Variants in PDLIM7 observed in about 807,000 individuals in gnomAD.
PDLIM7 encodes the protein PDZ and LIM domain 7.
Under a neutral mutation model 53.9 loss-of-function variants are expected in PDLIM7, and 37 were observed. The ratio of observed to expected loss-of-function variants is 0.69; its 90% CI spans 0.53 to 0.90. PDLIM7 has a LOEUF of 0.90. Ranked by LOEUF, PDLIM7 falls within the 40% of genes least tolerant of loss-of-function variation. PDLIM7 has a pLI of 0.00. For missense variants in PDLIM7, 617 were observed against 638.5 expected, an observed-to-expected ratio of 0.97 and a Z score of 0.36; for synonymous variants, 300 against 261.3, an observed-to-expected ratio of 1.15 and a Z score of -1.43.
At chr5:177,492,303 C>T (rs1238280787) in intron 4 of PDLIM7, 102 bp downstream of exon 4, 12 of 1,460,622 alleles carry the variant, frequency 8.2e-6, no homozygotes, top group East Asian at 4.9e-5. Flanking sequence ...CCTCCACTCC[C>T]GGCCAGGGAT....
intron 1 of PDLIM7, 82 bp from the exon 2 acceptor site, chr5:177,496,605 T>C (rs938818100): frequency 6.4e-6 from 6 of 944,212 alleles, no homozygotes; most frequent in Non-Finnish European, 9.1e-6. Context: ...GATACCAGCC[T>C]TGGACAGGGG....
chr5:177,489,155 G>A (rs1336300565), intron 9 of PDLIM7, among the ~76,000 whole-genome samples: 1 of 152,204 alleles, frequency 6.6e-6, no homozygotes, highest in East Asian at 1.9e-4. Context: ...TTCAGCCTAT[G>A]GTTGGCCCTT....
chr5:177,490,364 C>A, intron 7 of PDLIM7: 1 of 1,461,332 alleles, frequency 6.8e-7, no homozygotes, highest in Admixed American at 2.5e-5. Context: ...AGGGCCAGGC[C>A]AGCAGGAGGC....
intron 2 of PDLIM7, among the ~76,000 whole-genome samples, chr5:177,493,483 A>G (rs1758908158): frequency 6.6e-6 from 1 of 152,200 alleles, no homozygotes; most frequent in South Asian, 2.1e-4. Context: ...AATGACTTTG[A>G]GGAAGCGGTG....
intron 12 of PDLIM7, 35 bp downstream of exon 12, chr5:177,483,832 G>A: frequency 6.2e-7 from 1 of 1,600,938 alleles, no homozygotes; most frequent in Non-Finnish European, 8.6e-7. Context: ...AGGGCCGGTG[G>A]GCTTGGGGCT....
intron 10 of PDLIM7, among the ~76,000 whole-genome samples, chr5:177,485,668 G>A (rs1242050735): frequency 1.3e-5 from 2 of 152,182 alleles, no homozygotes; most frequent in African/African-American, 2.4e-5. Flanking sequence ...ATGCCTGCCT[G>A]GCTCAGGCTG....
At chr5:177,483,824 G>A in intron 12 of PDLIM7, 43 bp downstream of exon 12, 3 of 1,596,106 alleles carry the variant, frequency 1.9e-6, no homozygotes, top group East Asian at 2.2e-5. Context: ...ATGAACAGAG[G>A]GCCGGTGGGC....
chr5:177,486,289 A>C (rs557389045), intron 10 of PDLIM7, among the ~76,000 whole-genome samples: 4 of 152,304 alleles, frequency 2.6e-5, no homozygotes, highest in African/African-American at 9.6e-5. Flanking sequence ...CAAGCAAGAC[A>C]TAAGTGTGGG....
intron 10 of PDLIM7, 127 bp from the exon 11 acceptor site, chr5:177,484,317 A>G: frequency 2.6e-6 from 3 of 1,174,638 alleles, no homozygotes; most frequent in Admixed American, 2.2e-5. Context: ...CTAACTGTTC[A>G]GGACTCCCAC....
chr5:177,492,013 G>A (rs1414878083), intron 4 of PDLIM7, 88 bp from the exon 5 acceptor site: 3 of 601,744 alleles, frequency 5.0e-6, no homozygotes, highest in African/African-American at 1.9e-5. Context: ...AGAGGACAGC[G>A]GCAGCTCCAG....
At chr5:177,488,954 T>C (rs1246767041) in intron 9 of PDLIM7, among the ~76,000 whole-genome samples, 1 of 149,464 alleles carries the variant, frequency 6.7e-6, no homozygotes, top group East Asian at 1.9e-4. Context: ...AGGAAGGCTC[T>C]AGAATCCGGC....
intron 9 of PDLIM7, among the ~76,000 whole-genome samples, chr5:177,488,594 G>A (rs1758579509): frequency 6.6e-6 from 1 of 152,210 alleles, no homozygotes; most frequent in Non-Finnish European, 1.5e-5. Context: ...CCTGGCAAGA[G>A]CTGATAGAGT....
At position 177,491,069 on chromosome 5, in the gene PDLIM7, G is replaced by T. The variant is rs1285809474; in HGVS notation, c.476C>A (p.Pro159Gln). 1 of 1,610,786 alleles carries T rather than the reference G, an allele frequency of 6.2e-7. No individual in the cohort carries two copies. Among genetic ancestry groups the T allele is most frequent in the Non-Finnish European group, 8.5e-7 (1 of 1,178,846 alleles). Residue 159 changes from proline to glutamine, a missense_variant, in exon 6 of 13, where the codon CCG becomes CAG. Pro to Gln is a moderately conservative substitution (Grantham distance 76). Coordinates refer to ENST00000355841, the MANE Select transcript of PDLIM7 (RefSeq NM_005451.5). ...GAAGGAACGCGACTGGCCTGTCCCC[G>T]GCCGCGGCCGCCAGTCCTCTGTGTT... is the stretch of plus-strand genomic sequence containing the variant. The part of the protein sequence containing the change: ...MENTEDWRPR[P>Q]GTGQSRSFRI...
chr5:177,496,614 G>A (rs1759086212), intron 1 of PDLIM7, 91 bp from the exon 2 acceptor site: 3 of 813,046 alleles, frequency 3.7e-6, no homozygotes, highest in Non-Finnish European at 5.5e-6. Flanking sequence ...CTTGGACAGG[G>A]GCCAGGCAGG....
At chr5:177,490,651 CAGGG>C in intron 7 of PDLIM7, 2 of 1,153,928 alleles carry the variant, frequency 1.7e-6, no homozygotes, top group South Asian at 2.7e-5. Context: ...GGAAGGGAGG[CAGGG>C]AGGGAGGAGG....
rs1379680854 is a variant in PDLIM7, at chr5:177,488,092, G to A, written c.1026C>T (p.Ala342=). 1.9e-6 allele frequency: 3 copies of A among 1,605,172 alleles called. No individual in the cohort carries two copies. Among genetic ancestry groups the A allele is most frequent in the East Asian group, 2.2e-5 (1 of 44,560 alleles). ...CYDVRYAPSC[A]KCKKKITGEI... ...CGCCTGTAATCTTCTTCTTGCACTT[G>A]GCACAGCTGGGTGCATAGCGCACGT... Residue 342 remains alanine, a synonymous_variant, in exon 10 of 13, where the codon GCC becomes GCT. Transcript: ENST00000355841.
rs1303010173 is a variant in PDLIM7 at position 177,484,204 on chromosome 5, C to G, written c.1051-14G>C. ...GTGCATGATCTCCTGGAAGGAGGTC[C>G]CAGTCACTCGGCAGGCTCAGGCCCC... On this transcript the variant is annotated splice_polypyrimidine_tract_variant and intron_variant, in intron 10 of 12. Coordinates refer to ENST00000355841, the MANE Select transcript of PDLIM7 (RefSeq NM_005451.5). 2.5e-6 allele frequency: 4 copies of G among 1,611,966 alleles called. No homozygotes were observed. In the Admixed American group the frequency reaches 6.7e-5, roughly 27 times the overall value.
At chr5:177,483,835 T>C (rs1193593793) in intron 12 of PDLIM7, 32 bp downstream of exon 12, 3 of 1,604,258 alleles carry the variant, frequency 1.9e-6, no homozygotes. Flanking sequence ...GCCGGTGGGC[T>C]TGGGGCTCAG....
chr5:177,494,263 AG>A (rs1758953210), intron 2 of PDLIM7, among the ~76,000 whole-genome samples: 1 of 152,216 alleles, frequency 6.6e-6, no homozygotes, highest in African/African-American at 2.4e-5. Flanking sequence ...TCTGACCCTA[AG>A]GCTCCACCAC....
Sources: gnomAD v4.1 joint callset for allele counts (sites outside exome capture counted in the v4.1 genomes callset) on GRCh38, gnomAD v4.1.1 for gene constraint, MANE v1.5 for transcripts, NCBI Gene and HGNC (gene_info 2026-07-23, HGNC 2026-07-21) for gene names.